The following WASHC2A variants were observed in gnomAD, a reference collection of about 807,000 sequenced individuals.
The protein encoded by WASHC2A is WASH complex subunit FAM21A.
A neutral mutation model predicts 140.3 loss-of-function variants in WASHC2A; 82 were observed. The ratio of observed to expected loss-of-function variants is 0.58; its 90% confidence interval spans 0.49 to 0.70. The LOEUF is 0.70. Ranked by LOEUF, WASHC2A falls within the 30% of genes least tolerant of loss-of-function variation. The pLI is 0.00. For missense variants in WASHC2A, 985 were observed against 1,521.8 expected (o/e 0.65, Z 5.87); for synonymous variants, 340 against 560.8 (o/e 0.61, Z 5.56).
Position 50,106,378 on chromosome 10 carries a change from T to A in WASHC2A, c.1782T>A (p.Cys594Ter). The A allele has an allele frequency of 1.2e-6, 2 of 1,611,982 alleles. No individual in the cohort carries two copies. Among genetic ancestry groups the A allele is most frequent in the Non-Finnish European group, 1.7e-6 (2 of 1,179,860 alleles). ...CAGCTGCTAAGAAGCAGACATTGTG[T>A]CTACAAGCTCAGAGAGAAGAGAAAG... ...GGTAAKKQTLCLQAQREEKAK... is the reference protein window; with the variant it reads ...GGTAAKKQTL Residue 594 changes from cysteine (C) to a stop codon, truncating the protein, a stop_gained, in exon 19 of 31, where the codon TGT becomes TGA. Coordinates refer to ENST00000282633, the MANE Select transcript of WASHC2A (RefSeq NM_001005751.3). LOFTEE classifies it high-confidence loss of function.
intron 18 of WASHC2A, among the ~76,000 whole-genome samples, chr10:50,105,401 C>T (rs1367343393): frequency 9.2e-6 from 1 of 109,210 alleles, no homozygotes; most frequent in Non-Finnish European, 1.9e-5. Context: ...TGTGGCTTAA[C>T]AGTGAGTAGG....
At chr10:50,094,469 C>T (rs1278641387) in intron 13 of WASHC2A, among the ~76,000 whole-genome samples, 1 of 151,182 alleles carries the variant, frequency 6.6e-6, no homozygotes, top group South Asian at 2.1e-4. Flanking sequence ...CACCTGTCCC[C>T]TTGGTGCAGT....
chr10:50,125,916 A>G lies in WASHC2A; in HGVS notation c.2689-141A>G, dbSNP rs1416808402. The stretch of plus-strand genomic sequence containing the variant: ...CAGTCTTCAGAATGCTATTTCTGAA[A>G]TGCTACCTTTGAGTTGGTTCAGCCC... On this transcript the variant is annotated intron_variant, in intron 25 of 30. Transcript: ENST00000282633. 4.3e-6 allele frequency: 4 copies of G among 938,916 alleles called. No homozygotes were observed. In the African/African-American group the frequency reaches 6.7e-5, roughly 16 times the overall value. 58.2% of individuals were successfully genotyped at this position (938,916 alleles called of 1,614,324 possible). A position where few individuals can be genotyped will look rare whatever the true frequency, so the allele number is the denominator to read the frequency against.
At chr10:50,126,424 T>G (rs1308144745) in intron 26 of WASHC2A, 27 of 379,060 alleles carry the variant, frequency 7.1e-5, no homozygotes, top group Middle Eastern at 7.5e-4. Flanking sequence ...GATTTAACTC[T>G]GAAGTGGAGT....
At chr10:50,097,488 T>G (rs1370596549) in intron 15 of WASHC2A, among the ~76,000 whole-genome samples, 187 bp from the exon 16 acceptor site, 1 of 144,664 alleles carries the variant, frequency 6.9e-6, no homozygotes, top group African/African-American at 2.5e-5. Context: ...TCAACTGAAC[T>G]GCTACTATGC....
At position 50,095,697 on chromosome 10, in the gene WASHC2A, C is replaced by G; in HGVS notation, c.1339C>G (p.Pro447Ala). ...AAGGAAAAGCCCCTATGGTCCCCCT[C>G]CCACTGGCCTCTTTGATGATGATGA... ...TPRKSPYGPP[P>A]TGLFDDDDGD... The change falls in exon 15 of 31, where the codon CCC (proline) becomes GCC (alanine). Residue 447 changes from proline (P) to alanine (A), a missense_variant. Physicochemically the swap from Pro to Ala is conservative, Grantham distance 27 (BLOSUM62 -1). Transcript: ENST00000282633. The G allele has an allele frequency of 6.2e-7, 1 of 1,611,662 alleles. No homozygotes were observed. The highest frequency in any genetic ancestry group is 2.3e-4 in the Middle Eastern group (1 of 4,430).
chr10:50,086,614 G>A (rs1244845061), intron 7 of WASHC2A, among the ~76,000 whole-genome samples: 6 of 109,436 alleles, frequency 5.5e-5, no homozygotes, highest in African/African-American at 2.3e-4. Context: ...CCCCACCACA[G>A]TCCCCAGAGC....
chr10:50,073,202 CT>C (rs1356531618), intron 3 of WASHC2A, among the ~76,000 whole-genome samples: 2 of 151,872 alleles, frequency 1.3e-5, no homozygotes, highest in Non-Finnish European at 2.9e-5. Flanking sequence ...TAGTTAATGA[CT>C]TTAGTTTGTT....
At chr10:50,082,093 A>G (rs1554879903) in intron 5 of WASHC2A, among the ~76,000 whole-genome samples, 2 of 151,940 alleles carry the variant, frequency 1.3e-5, no homozygotes, top group African/African-American at 2.4e-5. Flanking sequence ...ACTCTGGGAA[A>G]TGGATTGCCT....
At chr10:50,105,902 A>T (rs1476529353) in intron 18 of WASHC2A, among the ~76,000 whole-genome samples, 1 of 150,454 alleles carries the variant, frequency 6.6e-6, no homozygotes, top group Non-Finnish European at 1.5e-5. Flanking sequence ...ACAGACCCCC[A>T]GTTCTCTCCT....
chr10:50,101,631 C>A (rs1355014170), intron 17 of WASHC2A, among the ~76,000 whole-genome samples: 4 of 152,382 alleles, frequency 2.6e-5, no homozygotes, highest in South Asian at 2.1e-4. Context: ...ACAAGAAAAC[C>A]AAATGTGAAC....
At chr10:50,087,711 A>G (rs1839506424) in intron 8 of WASHC2A, among the ~76,000 whole-genome samples, 1 of 152,150 alleles carries the variant, frequency 6.6e-6, no homozygotes, top group African/African-American at 2.4e-5. Flanking sequence ...CTGTCTTAGC[A>G]CGGTTATCTT....
intron 19 of WASHC2A, among the ~76,000 whole-genome samples, chr10:50,108,641 GC>G (rs1554889230): frequency 1.0e-3 from 47 of 44,950 alleles, no homozygotes; most frequent in African/African-American, 4.3e-3. Flanking sequence ...ACTCTGGGAG[GC>G]CAAGGAGGTG....
chr10:50,092,324 GT>G, intron 11 of WASHC2A, 91 bp downstream of exon 11: 3 of 1,234,952 alleles, frequency 2.4e-6, no homozygotes, highest in Non-Finnish European at 3.4e-6. Context: ...TTTACATGCT[GT>G]TTTCCCTCTG....
At chr10:50,074,648 C>T (rs1266680468) in intron 3 of WASHC2A, among the ~76,000 whole-genome samples, 7 of 152,094 alleles carry the variant, frequency 4.6e-5, no homozygotes, top group East Asian at 1.9e-4. Context: ...AGGCCGGGTG[C>T]GGTGGCTCAC....
chr10:50,120,488 C>T lies in WASHC2A; in HGVS notation c.2478+719C>T, dbSNP rs1445317311. Among the ~76,000 whole-genome samples the T allele has an allele frequency of 4.0e-4, 57 of 142,068 alleles. 1 individual carries two copies. The highest frequency in any genetic ancestry group is 7.2e-4 in the Non-Finnish European group (48 of 66,686). 93.2% of individuals were successfully genotyped at this position (142,068 alleles called of 152,430 possible). On this transcript the variant is annotated intron_variant, in intron 23 of 30. Transcript: ENST00000282633. Reference sequence around the variant, plus strand: ...TACAAAAAATAGCTTGGCGTGATGACGCTTGCCTGTAATCCCAGCTACTTG... The same window carrying T: ...TACAAAAAATAGCTTGGCGTGATGATGCTTGCCTGTAATCCCAGCTACTTG...
intron 8 of WASHC2A, 58 bp from the exon 9 acceptor site, chr10:50,090,718 A>G (rs1839854861): frequency 4.0e-6 from 6 of 1,507,428 alleles, no homozygotes; most frequent in African/African-American, 1.4e-5. Flanking sequence ...AAAGGCTGAC[A>G]GTATCTCTTC....
intron 23 of WASHC2A, among the ~76,000 whole-genome samples, chr10:50,124,588 AG>A (rs1215870799): frequency 1.3e-5 from 2 of 152,242 alleles, no homozygotes; most frequent in Admixed American, 1.3e-4. Context: ...GGACAGCCAT[AG>A]GAAGGCTTGT....
rs577417087 is a variant in WASHC2A at position 50,117,703 on chromosome 10, G to A, written c.2143-203G>A. 7.9e-4 allele frequency among the ~76,000 whole-genome samples: 105 copies of A among 132,562 alleles called. 10 individuals carry two copies. The highest frequency in any genetic ancestry group is 2.2e-3 in the African/African-American group (87 of 38,924). 87.0% of individuals were successfully genotyped at this position (132,562 alleles called of 152,430 possible). A position where few individuals can be genotyped will look rare whatever the true frequency, so the allele number is the denominator to read the frequency against. ...AGACAGATACAGGTGATGTGGTGGC[G>A]TGAAGTGTCCTGTCCACAAGTCCCG... is the stretch of plus-strand genomic sequence containing the variant. On this transcript the variant is annotated intron_variant, in intron 21 of 30. Coordinates refer to ENST00000282633, the MANE Select transcript of WASHC2A (RefSeq NM_001005751.3).
Sources: gnomAD v4.1 joint callset for allele counts (sites outside exome capture counted in the v4.1 genomes callset) on GRCh38, gnomAD v4.1.1 for gene constraint, MANE v1.5 for transcripts, NCBI Gene and HGNC (gene_info 2026-07-23, HGNC 2026-07-21) for gene names.